The following MTCL1 variants were observed in gnomAD, a reference collection of about 807,000 sequenced individuals.
MTCL1 encodes the protein microtubule cross-linking factor 1.
MTCL1 carries 79 observed loss-of-function variants against 141.4 expected under a neutral mutation model. That is an observed-to-expected ratio of 0.56 (90% CI 0.47 to 0.67). MTCL1 has a LOEUF of 0.67. Among genes scored for constraint, MTCL1 ranks in the 30% least tolerant of loss-of-function variants. The pLI is 0.00. For missense variants in MTCL1, 2,177 were observed against 2,113.9 expected, an observed-to-expected ratio of 1.03 and a Z score of -0.59; for synonymous variants, 914 against 875.8, an observed-to-expected ratio of 1.04 and a Z score of -0.77.
intron 4 of MTCL1, among the ~76,000 whole-genome samples, chr18:8,771,330 GAGA>G (rs973573700): frequency 6.6e-6 from 1 of 152,034 alleles, no homozygotes; most frequent in Non-Finnish European, 1.5e-5. Flanking sequence ...TTCTAAAAGG[GAGA>G]AGAAGACCTC....
intron 16 of MTCL1, chr18:8,831,242 T>C: frequency 9.5e-7 from 1 of 1,049,654 alleles, no homozygotes; most frequent in Non-Finnish European, 1.1e-6. Flanking sequence ...AAGGGCCAAA[T>C]GAACAGATCT....
intron 4 of MTCL1, among the ~76,000 whole-genome samples, chr18:8,774,254 A>ATGTGTGTGTGTGTG (rs138724389): frequency 0.015 from 2,190 of 150,116 alleles, 28 homozygotes; most frequent in African/African-American, 0.034. Context: ...CTCTTTTCGA[A>ATGTGTGTGTGTGTG]TGTGTGTGTG....
At chr18:8,811,529 A>G (rs1274768943) in intron 11 of MTCL1, among the ~76,000 whole-genome samples, 1 of 150,402 alleles carries the variant, frequency 6.6e-6, no homozygotes, top group African/African-American at 2.5e-5. Flanking sequence ...TTATATATAT[A>G]TACATATATA....
intron 1 of MTCL1, chr18:8,707,149 G>A (rs2096062577): frequency 6.4e-6 from 1 of 155,844 alleles, no homozygotes; most frequent in African/African-American, 2.4e-5. Context: ...AATGCCACTG[G>A]AGGGCCCCCG....
intron 4 of MTCL1, among the ~76,000 whole-genome samples, chr18:8,774,946 TAAGC>T (rs1386482037): frequency 6.6e-6 from 1 of 152,066 alleles, no homozygotes; most frequent in East Asian, 1.9e-4. Flanking sequence ...TGACAGCCCA[TAAGC>T]AAGGGGAAGG....
intron 5 of MTCL1, among the ~76,000 whole-genome samples, chr18:8,778,695 G>C (rs1410313876): frequency 6.6e-6 from 1 of 152,160 alleles, no homozygotes; most frequent in Non-Finnish European, 1.5e-5. Flanking sequence ...AAGCTCAACT[G>C]TTCCCTTCCA....
chr18:8,740,070 A>G (rs2096294392), intron 4 of MTCL1, among the ~76,000 whole-genome samples: 1 of 152,222 alleles, frequency 6.6e-6, no homozygotes, highest in East Asian at 1.9e-4. Flanking sequence ...TGAGAGTAAC[A>G]TTTCTTTTCT....
intron 4 of MTCL1, among the ~76,000 whole-genome samples, chr18:8,736,185 A>G (rs1161173345): frequency 2.0e-5 from 3 of 152,188 alleles, no homozygotes; most frequent in Non-Finnish European, 2.9e-5. Flanking sequence ...CATGCTGCCA[A>G]TTACATGATG....
chr18:8,768,769 G>C (rs1012424152), intron 4 of MTCL1, among the ~76,000 whole-genome samples: 42 of 151,210 alleles, frequency 2.8e-4, no homozygotes, highest in African/African-American at 9.7e-4. Flanking sequence ...GGCAGAGGTG[G>C]GAACAGATTC....
At position 8,741,452 on chromosome 18, in the gene MTCL1, A is replaced by G. The variant is rs374284819; in HGVS notation, c.357+20956A>G. 5.9e-5 allele frequency among the ~76,000 whole-genome samples: 9 copies of G among 152,310 alleles called. No homozygotes were observed. In the East Asian group the frequency reaches 9.6e-4, roughly 16 times the overall value. On this transcript the variant is annotated intron_variant, in intron 4 of 16. Transcript: ENST00000359865. ...GAGAGTGTTTAAAGGATGGGTTTCA[A>G]TTGGATTCCTTAATAGAAGGAACTG... is the stretch of plus-strand genomic sequence containing the variant.
In MTCL1 at chr18:8,705,807, C is replaced by T; in HGVS notation, c.147C>T (p.Leu49=). ...CGCCCTCGCCCGCCAGACCCTTCCTCAAGGACCTGCACGCCCGGCCCGCCG... is the reference window on the plus strand; with the variant it reads ...CGCCCTCGCCCGCCAGACCCTTCCTTAAGGACCTGCACGCCCGGCCCGCCG... The change falls in exon 1 of 14, where the codon CTC becomes CTT. Residue 49 remains leucine (L), a synonymous_variant. Coordinates refer to the MTCL1 transcript ENST00000306329. The surrounding 1 kb of genome is among the most constrained non-coding windows in gnomAD (Gnocchi z 5.2). 1 of 1,190,282 alleles carries T rather than the reference C, an allele frequency of 8.4e-7. No individual in the cohort carries two copies. The highest frequency in any genetic ancestry group is 1.0e-6 in the Non-Finnish European group (1 of 960,666). The allele number at this position is 1,190,282 out of a possible 1,614,324, so 73.7% of individuals were successfully genotyped here.
At chr18:8,798,793 A>C (rs1044730517) in intron 10 of MTCL1, among the ~76,000 whole-genome samples, 3 of 152,238 alleles carry the variant, frequency 2.0e-5, no homozygotes, top group Non-Finnish European at 4.4e-5. Context: ...CAGTGTTATT[A>C]AGTAGCTGTT....
intron 8 of MTCL1, 52 bp from the exon 8 acceptor site, chr18:8,796,180 G>A: frequency 6.3e-7 from 1 of 1,588,430 alleles, no homozygotes; most frequent in Non-Finnish European, 8.6e-7. Context: ...TTTGGTTTGG[G>A]TGGCGGATTG....
intron 4 of MTCL1, among the ~76,000 whole-genome samples, chr18:8,727,181 C>T (rs963370862): frequency 6.6e-6 from 1 of 152,106 alleles, no homozygotes; most frequent in African/African-American, 2.4e-5. Flanking sequence ...ATATACCACA[C>T]TTTCTTTATC....
chr18:8,729,317 A>G (rs149467906), intron 4 of MTCL1, among the ~76,000 whole-genome samples: 1 of 151,768 alleles, frequency 6.6e-6, no homozygotes, highest in Non-Finnish European at 1.5e-5. Context: ...TAGCCTCCCA[A>G]AGTGCTGGGA....
intron 10 of MTCL1, among the ~76,000 whole-genome samples, chr18:8,803,691 C>T (rs1203378896): frequency 6.6e-6 from 1 of 152,242 alleles, no homozygotes; most frequent in African/African-American, 2.4e-5. Flanking sequence ...CCACCTTCAC[C>T]CCAAAGCAAT....
At chr18:8,776,193 G>A (rs72936083) in intron 4 of MTCL1, among the ~76,000 whole-genome samples, 5,971 of 152,322 alleles carry the variant, frequency 0.039, 241 homozygotes, top group Admixed American at 0.12. Flanking sequence ...GGAGGTGGGC[G>A]TTGGGGACAG....
In MTCL1 at chr18:8,813,247, C is replaced by A. The variant is rs147826375; in HGVS notation, c.2859+14C>A. ...AGGATAGAGCAGGTAAGGAGGCACC[C>A]CGGGGCCCTGGAGCATAGGCACAGA... is the stretch of plus-strand genomic sequence containing the variant. On this transcript the variant is annotated intron_variant, in intron 12 of 16. Coordinates refer to ENST00000359865, the Ensembl canonical transcript of MTCL1. The A allele has an allele frequency of 4.6e-4, 735 of 1,608,048 alleles. 2 individuals are homozygous for A. Among genetic ancestry groups the A allele is most frequent in the South Asian group, 2.2e-3 (197 of 89,650 alleles).
At chr18:8,784,823 G>C (rs1273774019) in exon 6 of MTCL1, 2 of 1,601,344 alleles carry the variant, frequency 1.2e-6, no homozygotes, top group Admixed American at 3.4e-5. Context: ...CCTGGGGAAG[G>C]AGCTGGGCCC....
Sources: gnomAD v4.1 joint callset for allele counts (sites outside exome capture counted in the v4.1 genomes callset) on GRCh38, gnomAD v4.1.1 for gene constraint, Gnocchi (gnomAD v3.1) non-coding constraint, MANE v1.5 for transcripts, NCBI Gene and HGNC (gene_info 2026-07-23, HGNC 2026-07-21) for gene names.